Variants in FBXL17 observed in about 807,000 individuals in gnomAD.
The protein encoded by FBXL17 is F-box and leucine rich repeat protein 17.
In FBXL17, 22 loss-of-function variants were observed where a neutral mutation model predicts 66.2. The ratio of observed to expected loss-of-function variants is 0.33; its 90% CI spans 0.24 to 0.47. The LOEUF (loss-of-function observed/expected upper bound fraction) is 0.47, where lower values mean the gene tolerates loss of function less well. FBXL17 is among the 20% of genes least tolerant of loss of function. FBXL17 has a pLI of 1.00. For synonymous variants in FBXL17, 474 were observed against 400.5 expected (o/e 1.18, Z -2.19); for missense variants, 878 against 948.2 (o/e 0.93, Z 0.97).
chr5:107,986,710 T>C (rs1216480244), intron 7 of FBXL17, among the ~76,000 whole-genome samples: 3 of 151,922 alleles, frequency 2.0e-5, no homozygotes, highest in Admixed American at 2.0e-4. Context: ...ATTTAAAAGA[T>C]AAAGCAGATT....
At chr5:107,863,609 G>C (rs1748194391) in intron 8 of FBXL17, among the ~76,000 whole-genome samples, 1 of 141,674 alleles carries the variant, frequency 7.1e-6, no homozygotes, top group Admixed American at 7.3e-5. Flanking sequence ...GTTTATGATT[G>C]CTTAGTTTAA....
At chr5:108,315,372 T>G (rs1345846135) in intron 4 of FBXL17, among the ~76,000 whole-genome samples, 1 of 151,378 alleles carries the variant, frequency 6.6e-6, no homozygotes, top group Non-Finnish European at 1.5e-5. Flanking sequence ...TTTGTGCTTT[T>G]AAGCGACAAG....
intron 5 of FBXL17, among the ~76,000 whole-genome samples, chr5:108,199,081 T>C (rs938004657): frequency 2.0e-5 from 3 of 152,108 alleles, no homozygotes; most frequent in African/African-American, 7.2e-5. Flanking sequence ...CTTCAGCCAA[T>C]TGAAATAAAA....
chr5:108,205,318 C>T (rs562659113), intron 5 of FBXL17, among the ~76,000 whole-genome samples: 1 of 152,264 alleles, frequency 6.6e-6, no homozygotes, highest in East Asian at 1.9e-4. Flanking sequence ...AATACTGTGT[C>T]ATTTTACCAG....
At chr5:107,966,245 C>T (rs1752132416) in intron 7 of FBXL17, among the ~76,000 whole-genome samples, 1 of 152,060 alleles carries the variant, frequency 6.6e-6, no homozygotes, top group Admixed American at 6.6e-5. Context: ...AAGGGATAAG[C>T]CCTGACTATC....
chr5:108,377,175 T>C (rs527582126), intron 1 of FBXL17, among the ~76,000 whole-genome samples: 1 of 152,306 alleles, frequency 6.6e-6, no homozygotes, highest in South Asian at 2.1e-4. Context: ...CATTCAAAGC[T>C]TAAAGAATTC....
intron 7 of FBXL17, among the ~76,000 whole-genome samples, chr5:107,892,872 G>A (rs1749241864): frequency 6.6e-6 from 1 of 152,160 alleles, no homozygotes; most frequent in Non-Finnish European, 1.5e-5. Flanking sequence ...ACAAAAACAT[G>A]AAATTCAAAA....
intron 6 of FBXL17, among the ~76,000 whole-genome samples, chr5:108,168,223 G>A (rs1226231657): frequency 6.6e-6 from 1 of 152,144 alleles, no homozygotes; most frequent in Non-Finnish European, 1.5e-5. Context: ...TTGAAAGTAA[G>A]TTTCACTTAT....
chr5:108,171,913 A>G (rs2150017244), intron 6 of FBXL17, among the ~76,000 whole-genome samples: 1 of 151,668 alleles, frequency 6.6e-6, no homozygotes, highest in Admixed American at 6.6e-5. Context: ...GATGGTTTTA[A>G]AAAGAGGAGT....
intron 5 of FBXL17, among the ~76,000 whole-genome samples, chr5:108,204,369 G>T (rs757773017): frequency 1.3e-5 from 2 of 151,840 alleles, no homozygotes; most frequent in African/African-American, 2.4e-5. Context: ...TTTTTGTAGA[G>T]ATGGGTCTTA....
intron 5 of FBXL17, among the ~76,000 whole-genome samples, chr5:108,191,926 C>T (rs557245022): frequency 6.6e-6 from 1 of 152,312 alleles, no homozygotes; most frequent in East Asian, 1.9e-4. Flanking sequence ...CTGACAGTCA[C>T]TGCATTCACA....
chr5:108,175,306 C>T (rs1752757589), intron 6 of FBXL17, among the ~76,000 whole-genome samples: 1 of 152,278 alleles, frequency 6.6e-6, no homozygotes, highest in Non-Finnish European at 1.5e-5. Context: ...GACTCATAAA[C>T]AAAACGTCAC....
At chr5:108,226,098 T>G (rs1309207913) in intron 4 of FBXL17, among the ~76,000 whole-genome samples, 1 of 152,304 alleles carries the variant, frequency 6.6e-6, no homozygotes, top group Non-Finnish European at 1.5e-5. Flanking sequence ...ATTTTCTTCA[T>G]AACACTTATC....
rs1206839692 is a variant in FBXL17, at chr5:108,380,854, G to C, written c.838C>G (p.Arg280Gly). Residue 280 changes from arginine (R) to glycine (G), a missense_variant, in exon 1 of 9, where the codon CGA (arginine) becomes GGA (glycine). Physicochemically the swap from Arg to Gly is moderately radical, Grantham distance 125. Around this residue, in one of 4 missense-constraint regions of FBXL17, gnomAD observed 605 missense variants for 509.5 expected, o/e 1.19. Coordinates refer to ENST00000542267, the MANE Select transcript of FBXL17 (RefSeq NM_001163315.3). Reference sequence around the variant, plus strand: ...GACAAGGGGGCGGTGCCCCCGGCTCGGACAGCGTCCCCGCCAGCTTCGGTG... The same window carrying C: ...GACAAGGGGGCGGTGCCCCCGGCTCCGACAGCGTCCCCGCCAGCTTCGGTG... ...APTEAGGDAVRAGGTAPLSAQ... is the reference protein window; with the variant it reads ...APTEAGGDAVGAGGTAPLSAQ... 28 of 1,246,080 alleles carry C rather than the reference G, an allele frequency of 2.2e-5. No individual in the cohort carries two copies. The East Asian group carries it at 2.8e-4, about 13-fold the overall frequency. 77.2% of individuals were successfully genotyped at this position (1,246,080 alleles called of 1,614,324 possible).
At chr5:107,994,542 T>C (rs547088499) in intron 7 of FBXL17, among the ~76,000 whole-genome samples, 1 of 152,230 alleles carries the variant, frequency 6.6e-6, no homozygotes, top group African/African-American at 2.4e-5. Context: ...ATAAACATAC[T>C]ATCAAACCTA....
At chr5:108,281,160 A>T (rs1757687675) in intron 4 of FBXL17, among the ~76,000 whole-genome samples, 1 of 151,960 alleles carries the variant, frequency 6.6e-6, no homozygotes, top group Admixed American at 6.6e-5. Flanking sequence ...TGGACTTTAG[A>T]CCAAATGGAC....
At chr5:108,336,293 A>T (rs1760380133) in intron 4 of FBXL17, among the ~76,000 whole-genome samples, 1 of 152,208 alleles carries the variant, frequency 6.6e-6, no homozygotes, top group Non-Finnish European at 1.5e-5. Context: ...GATCTGCCTG[A>T]TGCATTTTAT....
intron 6 of FBXL17, among the ~76,000 whole-genome samples, chr5:108,077,985 G>C (rs750118808): frequency 1.5e-4 from 23 of 152,206 alleles, no homozygotes; most frequent in Middle Eastern, 3.4e-3. Context: ...AGGCTACTCA[G>C]AAAGTTCACT....
chr5:108,031,087 A>T (rs915548324), intron 6 of FBXL17, among the ~76,000 whole-genome samples: 2 of 152,132 alleles, frequency 1.3e-5, no homozygotes, highest in Admixed American at 1.3e-4. Context: ...AAGGTGACAA[A>T]TTATAAAAGG....
Sources: allele counts gnomAD v4.1 joint callset (sites outside exome capture counted in the v4.1 genomes callset), GRCh38; gene constraint gnomAD v4.1.1; regional missense constraint gnomAD v4.1.1; transcripts MANE v1.5; gene names NCBI Gene and HGNC (gene_info 2026-07-23, HGNC 2026-07-21).